KCNIP4: variants seen among roughly 807,000 people sequenced by gnomAD.
The protein encoded by KCNIP4 is potassium voltage-gated channel interacting protein 4, also known as Kv channel-interacting protein 4.
In KCNIP4, 12 loss-of-function variants were observed where a neutral mutation model predicts 34.0. That is an observed-to-expected ratio of 0.35 (90% CI 0.23 to 0.57). The LOEUF (loss-of-function observed/expected upper bound fraction) is 0.57, where lower values mean the gene tolerates loss of function less well. Ranked by LOEUF, KCNIP4 falls within the 20% of genes least tolerant of loss-of-function variation. The pLI, the probability that KCNIP4 is intolerant of heterozygous loss-of-function variation, is 0.83. For synonymous variants in KCNIP4, 124 were observed against 102.2 expected (o/e 1.21, Z -1.29); for missense variants, 238 against 311.7 (o/e 0.76, Z 1.78).
At chr4:21,233,254 G>A (rs1758930098) in intron 1 of KCNIP4, among the ~76,000 whole-genome samples, 1 of 152,132 alleles carries the variant, frequency 6.6e-6, no homozygotes, top group Non-Finnish European at 1.5e-5. Flanking sequence ...TTTCAGTGGG[G>A]TGGAAGGAAC....
chr4:21,323,169 T>C (rs1385176623), intron 1 of KCNIP4, among the ~76,000 whole-genome samples: 1 of 148,138 alleles, frequency 6.8e-6, no homozygotes, highest in Non-Finnish European at 1.5e-5. Context: ...TATATGTATA[T>C]ATATATGGAA....
At chr4:21,793,957 A>T (rs1470540067) in intron 1 of KCNIP4, among the ~76,000 whole-genome samples, 2 of 152,214 alleles carry the variant, frequency 1.3e-5, no homozygotes, top group Non-Finnish European at 2.9e-5. Context: ...TGCAGCCATA[A>T]AAAAGGATGA....
chr4:20,846,837 C>T (rs958118341), intron 3 of KCNIP4, among the ~76,000 whole-genome samples: 1 of 152,118 alleles, frequency 6.6e-6, no homozygotes, highest in Non-Finnish European at 1.5e-5. Context: ...CTTGCCTACA[C>T]AATATAATTA....
chr4:21,772,684 T>C (rs550392900), intron 1 of KCNIP4, among the ~76,000 whole-genome samples: 2 of 152,296 alleles, frequency 1.3e-5, no homozygotes, highest in African/African-American at 4.8e-5. Context: ...ACCCATTTCT[T>C]CTAGATTTTC....
intron 1 of KCNIP4, among the ~76,000 whole-genome samples, chr4:21,185,815 C>A (rs899814161): frequency 6.6e-6 from 1 of 152,148 alleles, no homozygotes; most frequent in African/African-American, 2.4e-5. Context: ...TCACATGAGG[C>A]ATCTACTGTA....
chr4:21,761,417 TAATTATTCAA>T lies in KCNIP4; in HGVS notation c.61+187144_61+187153del, dbSNP rs542756573. Among the ~76,000 whole-genome samples, 496 of 152,256 alleles carry T rather than the reference TAATTATTCAA, an allele frequency of 3.3e-3. 2 individuals carry two copies. The highest frequency in any genetic ancestry group is 0.011 in the African/African-American group (466 of 41,570). ...TGGAGAAAAAATAATGAATTATTTG[TAATTATTCAA>T]AATTTGATTAAATCTATAAGGCCAG... On this transcript the variant is annotated intron_variant, in intron 1 of 8. Coordinates refer to ENST00000382152, the MANE Select transcript of KCNIP4 (RefSeq NM_025221.6).
intron 1 of KCNIP4, among the ~76,000 whole-genome samples, chr4:21,475,589 A>T (rs1489756259): frequency 6.6e-6 from 1 of 152,146 alleles, no homozygotes; most frequent in African/African-American, 2.4e-5. Flanking sequence ...AATGTTGATC[A>T]CCCTTGGCAC....
Position 20,904,195 on chromosome 4 carries a change from C to T in KCNIP4, c.62-21486G>A, listed in dbSNP as rs188527385. 8.3e-4 allele frequency among the ~76,000 whole-genome samples: 126 copies of T among 152,098 alleles called. 1 individual carries two copies. Among genetic ancestry groups the T allele is most frequent in the African/African-American group, 2.8e-3 (115 of 41,498 alleles). Reference sequence around the variant, plus strand: ...TTCTCTAATAGAATAACTCTCTGCTCTTATGGTCAAGTTGGTGTCATCCAG... The same window carrying T: ...TTCTCTAATAGAATAACTCTCTGCTTTTATGGTCAAGTTGGTGTCATCCAG... On this transcript the variant is annotated intron_variant, in intron 1 of 8. Coordinates refer to ENST00000382152, the MANE Select transcript of KCNIP4 (RefSeq NM_025221.6).
Position 21,666,816 on chromosome 4 carries a change from G to A in KCNIP4, c.61+281755C>T, listed in dbSNP as rs1030453311. Among the ~76,000 whole-genome samples the A allele has an allele frequency of 4.6e-5, 7 of 152,166 alleles. No homozygotes were observed. The East Asian group carries it at 1.3e-3, about 29-fold the overall frequency. ...CTTTTTAAAAGATACGCTTCAGCTA[G>A]TGGTGGTGAATAAGGGGGAGGAAAG... is the stretch of plus-strand genomic sequence containing the variant. On this transcript the variant is annotated intron_variant, in intron 1 of 8. Coordinates refer to ENST00000382152, the MANE Select transcript of KCNIP4 (RefSeq NM_025221.6).
intron 1 of KCNIP4, among the ~76,000 whole-genome samples, chr4:21,773,673 C>A (rs969139788): frequency 1.3e-5 from 2 of 151,024 alleles, no homozygotes; most frequent in African/African-American, 2.4e-5. Flanking sequence ...TATCTAATGC[C>A]CTTTTTTGTC....
intron 1 of KCNIP4, among the ~76,000 whole-genome samples, chr4:21,865,607 G>A (rs1200967447): frequency 6.6e-6 from 1 of 150,630 alleles, no homozygotes; most frequent in Non-Finnish European, 1.5e-5. Context: ...GCAATGGTGT[G>A]ATCTCGGCTC....
intron 1 of KCNIP4, among the ~76,000 whole-genome samples, chr4:20,911,447 C>T (rs368896858): frequency 6.6e-6 from 1 of 152,100 alleles, no homozygotes; most frequent in South Asian, 2.1e-4. Flanking sequence ...CTTTACTGTA[C>T]CATGTCTAGT....
At chr4:21,667,322 A>T (rs936086039) in intron 1 of KCNIP4, among the ~76,000 whole-genome samples, 1 of 152,150 alleles carries the variant, frequency 6.6e-6, no homozygotes, top group Non-Finnish European at 1.5e-5. Context: ...TCTTGATTTC[A>T]CATGTCCGTT....
chr4:20,984,901 A>G, intron 1 of KCNIP4, among the ~76,000 whole-genome samples: 1 of 151,612 alleles, frequency 6.6e-6, no homozygotes, highest in East Asian at 1.9e-4. Context: ...AGGAGCCTGG[A>G]GTGTGTGTTA....
At chr4:21,050,532 T>C (rs908510190) in intron 1 of KCNIP4, among the ~76,000 whole-genome samples, 4 of 152,208 alleles carry the variant, frequency 2.6e-5, no homozygotes, top group African/African-American at 7.2e-5. Context: ...GCAAGACTCA[T>C]ATATTTTTAG....
At chr4:21,786,271 G>A (rs1023509722) in intron 1 of KCNIP4, among the ~76,000 whole-genome samples, 4 of 152,032 alleles carry the variant, frequency 2.6e-5, no homozygotes, top group African/African-American at 9.7e-5. Context: ...TATATACCTA[G>A]AATTGAAATC....
At chr4:21,728,178 T>A (rs1560669852) in intron 1 of KCNIP4, among the ~76,000 whole-genome samples, 1 of 152,170 alleles carries the variant, frequency 6.6e-6, no homozygotes, top group Non-Finnish European at 1.5e-5. Context: ...TCTAGACTCA[T>A]GTATCAACAC....
chr4:21,174,910 AAAAAAG>A (rs1212513060), intron 1 of KCNIP4, among the ~76,000 whole-genome samples: 3 of 151,994 alleles, frequency 2.0e-5, no homozygotes, highest in Non-Finnish European at 4.4e-5. Flanking sequence ...TCAAAAAAAA[AAAAAAG>A]AAAAAAAAAG....
At chr4:21,284,104 T>C (rs1762954057) in intron 1 of KCNIP4, among the ~76,000 whole-genome samples, 2 of 151,734 alleles carry the variant, frequency 1.3e-5, no homozygotes, top group South Asian at 4.2e-4. Flanking sequence ...TCCCAGCTAC[T>C]TGGGAGGCTG....
Sources: allele counts gnomAD v4.1 joint callset (sites outside exome capture counted in the v4.1 genomes callset), GRCh38; gene constraint gnomAD v4.1.1; transcripts MANE v1.5; gene names NCBI Gene and HGNC (gene_info 2026-07-23, HGNC 2026-07-21).